ALS2CL: variants seen among roughly 807,000 people sequenced by gnomAD.
ALS2CL encodes ALS2 C-terminal-like protein.
In ALS2CL, 112 loss-of-function variants were observed where a neutral mutation model predicts 127.9. That is an observed-to-expected ratio of 0.88 (90% CI 0.75 to 1.02). The LOEUF (loss-of-function observed/expected upper bound fraction) is 1.02. ALS2CL is among the 50% of genes least tolerant of loss of function. The pLI is 0.00. For synonymous variants in ALS2CL, 519 were observed against 527.6 expected (o/e 0.98, Z 0.22); for missense variants, 1,174 against 1,236.7 (o/e 0.95, Z 0.76).
At chr3:46,677,466 G>A in intron 16 of ALS2CL, 1 of 897,886 alleles carries the variant, frequency 1.1e-6, no homozygotes. Context: ...GTCTAATGGA[G>A]CCCTGCACTC....
intron 2 of ALS2CL, among the ~76,000 whole-genome samples, 194 bp downstream of exon 2, chr3:46,689,144 G>C (rs904810138): frequency 6.6e-6 from 1 of 152,206 alleles, no homozygotes; most frequent in East Asian, 1.9e-4. Flanking sequence ...CACAAGAATC[G>C]CTTGAACCTG....
chr3:46,688,360 C>T (rs948748215), intron 2 of ALS2CL, 64 bp from the exon 3 acceptor site: 1 of 1,504,760 alleles, frequency 6.6e-7, no homozygotes, highest in African/African-American at 1.4e-5. Context: ...AGGGAACATG[C>T]ACAGGCCCCA....
At chr3:46,687,363 AC>A (rs1699869365) in intron 4 of ALS2CL, among the ~76,000 whole-genome samples, 2 of 151,968 alleles carry the variant, frequency 1.3e-5, no homozygotes, top group Non-Finnish European at 2.9e-5. Context: ...ACAACCATCC[AC>A]CCTGAAGGGA....
chr3:46,675,834 A>T, intron 19 of ALS2CL, 148 bp from the exon 20 acceptor site: 1 of 1,480,562 alleles, frequency 6.8e-7, no homozygotes, highest in Non-Finnish European at 8.9e-7. Context: ...CAGAAGTTAG[A>T]AGGTTGGAGC....
At chr3:46,671,732 C>A in intron 24 of ALS2CL, 148 bp from the exon 25 acceptor site, 1 of 1,527,618 alleles carries the variant, frequency 6.5e-7, no homozygotes. Context: ...AGCACCCTGG[C>A]TGGGACCCTC....
At position 46,685,555 on chromosome 3, in the gene ALS2CL, C is replaced by T. The variant is rs1246677729; in HGVS notation, c.756G>A (p.Leu252=). The T allele has an allele frequency of 2.5e-6, 4 of 1,614,022 alleles. No homozygotes were observed. Among genetic ancestry groups the T allele is most frequent in the East Asian group, 4.5e-5 (2 of 44,878 alleles). Residue 252 remains leucine (L), a synonymous_variant, in exon 7 of 26, where the codon CTG becomes CTA. Coordinates refer to ENST00000318962, the MANE Select transcript of ALS2CL (RefSeq NM_147129.5). ...TVAPLRAERV[L]LFDDALVLLQ... is the part of the protein sequence containing the mutation. The stretch of plus-strand genomic sequence containing the variant: ...GCAGGACGAGGGCATCATCAAAGAG[C>T]AGCACACGCTCAGCCCGCAACGGTG...
rs12637856 is a variant in ALS2CL, at chr3:46,682,619, G to A, written c.1109+511C>T. Reference sequence around the variant, plus strand: ...GGGGTGGGGCCACATGGTCTATAAAGGCTTGCCTGTCTGTGGGGTCACACA... The same window carrying A: ...GGGGTGGGGCCACATGGTCTATAAAAGCTTGCCTGTCTGTGGGGTCACACA... On this transcript the variant is annotated intron_variant, in intron 10 of 25. Coordinates refer to ENST00000318962, the MANE Select transcript of ALS2CL (RefSeq NM_147129.5). 7.0e-4 allele frequency among the ~76,000 whole-genome samples: 106 copies of A among 152,272 alleles called. 3 individuals are homozygous for A. The East Asian group carries it at 0.019, about 28-fold the overall frequency.
At chr3:46,673,525 G>A (rs773253837) in intron 21 of ALS2CL, 144 bp from the exon 22 acceptor site, 5 of 853,626 alleles carry the variant, frequency 5.9e-6, no homozygotes, top group African/African-American at 1.7e-5. Context: ...GTCATGGGGA[G>A]GATGGAAGGA....
chr3:46,674,829 C>T (rs924728746), intron 20 of ALS2CL, 90 bp from the exon 21 acceptor site: 1 of 1,309,066 alleles, frequency 7.6e-7, no homozygotes, highest in African/African-American at 1.5e-5. Flanking sequence ...CCTAGTTCCA[C>T]AACAAACAGT....
rs532279589 is a variant in ALS2CL, at chr3:46,687,527, A to G, written c.368+92T>C. ...TCCAGGATGAGTTGTGGGCTGTGAC[A>G]CCTGCTGCTCTGGGGAGGGGGCTTC... On this transcript the variant is annotated intron_variant, in intron 4 of 25. Transcript: ENST00000318962. 2.0e-5 allele frequency: 29 copies of G among 1,417,310 alleles called. 2 individuals are homozygous for G. In the South Asian group the frequency reaches 3.7e-4, roughly 18 times the overall value. 87.8% of individuals were successfully genotyped at this position (1,417,310 alleles called of 1,614,324 possible).
Position 46,689,463 on chromosome 3 carries a change from C to G in ALS2CL, c.-23G>C, listed in dbSNP as rs747213280. ...CATGGCCAGGTGCCGGACTCAGGGC[C>G]TCCTAGGTAGGGCACAGGTTACAGC... On this transcript the variant is annotated splice_region_variant and 5_prime_UTR_variant, in exon 2 of 26. Coordinates refer to ENST00000318962, the MANE Select transcript of ALS2CL (RefSeq NM_147129.5). 1.9e-6 allele frequency: 3 copies of G among 1,581,948 alleles called. No individual in the cohort carries two copies. Among genetic ancestry groups the G allele is most frequent in the East Asian group, 4.6e-5 (2 of 43,574 alleles).
chr3:46,687,948 G>T, intron 3 of ALS2CL, 150 bp downstream of exon 3: 1 of 1,034,312 alleles, frequency 9.7e-7, no homozygotes, highest in Non-Finnish European at 1.4e-6. Context: ...GCCCAGGTGA[G>T]GCTGAACCCA....
At position 46,675,697 on chromosome 3, in the gene ALS2CL, A is replaced by G. The variant is rs759711623; in HGVS notation, c.2187-11T>C. On this transcript the variant is annotated splice_polypyrimidine_tract_variant and intron_variant, in intron 19 of 25. Transcript: ENST00000318962. ...ACTCGCAGCAGACCCCTGTGAGTCAATGAGAGAGAAATGGTGTGGCTGCCC... is the reference window on the plus strand; with the variant it reads ...ACTCGCAGCAGACCCCTGTGAGTCAGTGAGAGAGAAATGGTGTGGCTGCCC... The G allele has an allele frequency of 2.1e-5, 34 of 1,613,282 alleles. No homozygotes were observed. In the East Asian group the frequency reaches 7.4e-4, roughly 35 times the overall value.
chr3:46,673,407 G>A, intron 21 of ALS2CL, 26 bp from the exon 22 acceptor site: 1 of 1,555,674 alleles, frequency 6.4e-7, no homozygotes, highest in South Asian at 1.2e-5. Flanking sequence ...TGAGACAGGA[G>A]GCTCTGCCTC....
intron 18 of ALS2CL, 36 bp from the exon 19 acceptor site, chr3:46,676,438 C>T (rs1231237235): frequency 1.9e-6 from 3 of 1,611,758 alleles, no homozygotes. Context: ...AGAGACTAAG[C>T]ACTGGGGTCT....
Position 46,680,503 on chromosome 3 carries a change from C to T in ALS2CL, c.1475G>A (p.Arg492His), listed in dbSNP as rs920714464. The T allele has an allele frequency of 7.4e-6, 12 of 1,612,916 alleles. No individual in the cohort carries two copies. Among genetic ancestry groups the T allele is most frequent in the African/African-American group, 1.3e-5 (1 of 74,928 alleles). ...GGTGACCATGACCCCTGGGCCGTGGCGCTGACCAGCCTGCCACATGCCAAT... is the reference window on the plus strand; with the variant it reads ...GGTGACCATGACCCCTGGGCCGTGGTGCTGACCAGCCTGCCACATGCCAAT... ...RYIGMWQAGQ[R>H]HGPGVMVTQA... is the part of the protein sequence containing the mutation. The change falls in exon 14 of 26, where the codon CGC (arginine) becomes CAC (histidine). Residue 492 changes from arginine (R) to histidine (H), a missense_variant. Coordinates refer to ENST00000318962, the MANE Select transcript of ALS2CL (RefSeq NM_147129.5).
Position 46,676,363 on chromosome 3 carries a change from G to A in ALS2CL, c.2068C>T (p.Arg690Trp), listed in dbSNP as rs761995012. The A allele has an allele frequency of 3.1e-5, 50 of 1,613,832 alleles. No individual in the cohort carries two copies. The highest frequency in any genetic ancestry group is 3.3e-4 in the Middle Eastern group (2 of 6,080). The change falls in exon 19 of 26, where the codon CGG becomes TGG. Residue 690 changes from arginine (R) to tryptophan (W), a missense_variant. Transcript: ENST00000318962. ...NSLHPLGKLL[R>W]TLMLTFQATY... ...GCCTGGAAGGTCAGCATCAGTGTCC[G>A]GAGCAGCTTTCCCAGGGGGTGCAGT...
intron 16 of ALS2CL, among the ~76,000 whole-genome samples, chr3:46,677,698 T>C (rs1239253215): frequency 6.6e-6 from 1 of 152,202 alleles, no homozygotes; most frequent in Non-Finnish European, 1.5e-5. Flanking sequence ...CTCTGTGCAA[T>C]ACTGAGTCTT....
intron 7 of ALS2CL, among the ~76,000 whole-genome samples, chr3:46,684,731 G>A (rs1035016695): frequency 6.6e-6 from 1 of 152,240 alleles, no homozygotes; most frequent in African/African-American, 2.4e-5. Context: ...AGCGTCAGGA[G>A]AGGGCTAGCA....
Sources: gnomAD v4.1 joint callset for allele counts (sites outside exome capture counted in the v4.1 genomes callset) on GRCh38, gnomAD v4.1.1 for gene constraint, MANE v1.5 for transcripts, NCBI Gene and HGNC (gene_info 2026-07-23, HGNC 2026-07-21) for gene names.